The following MME variants were observed in gnomAD, a reference collection of about 807,000 sequenced individuals.
MME encodes neprilysin.
MME carries 98 observed loss-of-function variants against 113.2 expected under a neutral mutation model. The observed-to-expected ratio is 0.87, with a 90% CI of 0.74 to 1.02. The LOEUF is 1.02. Ranked by LOEUF, MME falls within the 50% of genes least tolerant of loss-of-function variation. The pLI, the probability that MME is intolerant of heterozygous loss-of-function variation, is 0.00. For synonymous variants in MME, 292 were observed against 300.6 expected (o/e 0.97, Z 0.30); for missense variants, 836 against 896.0 (o/e 0.93, Z 0.86).
In MME at chr3:155,168,735, A is replaced by C; in HGVS notation, c.1918A>C (p.Asn640His). ...AATAAAGTGTCTTTTTTAACAGCTT[A>C]ATGGAATTAATACACTGGGAGAAAA... The part of the protein sequence containing the change: ...SWDLAGGQHL[N>H]GINTLGENIA... Residue 640 changes from asparagine (N) to histidine (H), a missense_variant, in exon 20 of 23, where the codon AAT becomes CAT. Transcript: ENST00000360490. The C allele has an allele frequency of 6.2e-7, 1 of 1,613,118 alleles. No homozygotes were observed. Among genetic ancestry groups the C allele is most frequent in the Non-Finnish European group, 8.5e-7 (1 of 1,179,242 alleles).
chr3:155,054,593 C>T (rs1713865188), intron 1 of MME, among the ~76,000 whole-genome samples: 2 of 151,964 alleles, frequency 1.3e-5, no homozygotes, highest in South Asian at 4.1e-4. Flanking sequence ...AGGCCAAGGC[C>T]TGAGGATCAC....
intron 1 of MME, chr3:155,081,948 G>A (rs1270745705): frequency 6.6e-6 from 1 of 152,178 alleles, no homozygotes; most frequent in East Asian, 1.9e-4. Context: ...CTTTGCAGGT[G>A]ATTCAAAGAT....
intron 16 of MME, among the ~76,000 whole-genome samples, chr3:155,150,430 T>TG (rs755843564): frequency 1.3e-5 from 2 of 152,182 alleles, no homozygotes; most frequent in African/African-American, 2.4e-5. Context: ...ATAGCACACA[T>TG]GCTTCAGTAG....
At position 155,178,216 on chromosome 3, in the gene MME, T is replaced by A. The variant is rs1023100851; in HGVS notation, c.2154-2144T>A. 3.3e-5 allele frequency among the ~76,000 whole-genome samples: 5 copies of A among 152,028 alleles called. No individual in the cohort carries two copies. In the South Asian group the frequency reaches 1.0e-3, roughly 31 times the overall value. On this transcript the variant is annotated intron_variant, in intron 22 of 22. Transcript: ENST00000360490. Reference sequence around the variant, plus strand: ...TCCCACACCAGGAGATTATTTTTCGTCTTTAAGACTCATCTAGGAATCCTA... The same window carrying A: ...TCCCACACCAGGAGATTATTTTTCGACTTTAAGACTCATCTAGGAATCCTA...
intron 3 of MME, among the ~76,000 whole-genome samples, chr3:155,107,783 A>G (rs548427583): frequency 2.6e-5 from 4 of 152,318 alleles, no homozygotes; most frequent in African/African-American, 9.6e-5. Context: ...CTGAGATTGA[A>G]CAAGGGAACT....
rs536134878 is a variant in MME, at chr3:155,025,616, C to T, written c.-11+1292C>T. ...TCCAGCCTGGGAGACAGAGCGAGACCCTGTCTCAAAAAAAAAAAAAAGTAG... is the reference window on the plus strand; with the variant it reads ...TCCAGCCTGGGAGACAGAGCGAGACTCTGTCTCAAAAAAAAAAAAAAGTAG... On this transcript the variant is annotated intron_variant, in intron 1 of 22. Transcript: ENST00000492661. Among the ~76,000 whole-genome samples, 191 of 145,060 alleles carry T rather than the reference C, an allele frequency of 1.3e-3. 1 individual carries two copies. The highest frequency in any genetic ancestry group is 4.9e-3 in the African/African-American group (187 of 38,304).
intron 3 of MME, among the ~76,000 whole-genome samples, chr3:155,086,616 T>C (rs948963528): frequency 2.0e-5 from 3 of 152,018 alleles, no homozygotes; most frequent in African/African-American, 7.2e-5. Context: ...GTGGTGAAAA[T>C]GGGAGTATTT....
intron 3 of MME, among the ~76,000 whole-genome samples, chr3:155,099,701 C>T (rs367692971): frequency 6.6e-6 from 1 of 152,226 alleles, no homozygotes; most frequent in Admixed American, 6.5e-5. Flanking sequence ...TTTCCAGCTT[C>T]ATCCATGTCC....
At chr3:155,094,003 T>A (rs1416760081) in intron 3 of MME, among the ~76,000 whole-genome samples, 1 of 152,262 alleles carries the variant, frequency 6.6e-6, no homozygotes, top group Non-Finnish European at 1.5e-5. Context: ...CAATGTATAT[T>A]AGTTTATTTT....
At chr3:155,036,374 T>C (rs899560731) in intron 1 of MME, among the ~76,000 whole-genome samples, 1 of 152,176 alleles carries the variant, frequency 6.6e-6, no homozygotes, top group Admixed American at 6.6e-5. Flanking sequence ...AATCAAGATA[T>C]AGAGTTTTTT....
At chr3:155,160,869 C>G (rs1200567183) in intron 17 of MME, among the ~76,000 whole-genome samples, 2 of 152,122 alleles carry the variant, frequency 1.3e-5, no homozygotes, top group East Asian at 3.9e-4. Flanking sequence ...CCTGGCAATT[C>G]TGTATGCTGG....
chr3:155,106,046 G>A (rs572551352), intron 3 of MME, among the ~76,000 whole-genome samples: 1 of 152,298 alleles, frequency 6.6e-6, no homozygotes, highest in South Asian at 2.1e-4. Context: ...TTAGTCACAT[G>A]TATATATGAA....
At chr3:155,177,933 G>A (rs1180499647) in intron 22 of MME, among the ~76,000 whole-genome samples, 2 of 152,064 alleles carry the variant, frequency 1.3e-5, no homozygotes, top group Admixed American at 6.6e-5. Flanking sequence ...TGCTCCAGCT[G>A]GAGTCAGTGG....
At chr3:155,034,731 C>A (rs756911009) in intron 1 of MME, among the ~76,000 whole-genome samples, 4 of 152,144 alleles carry the variant, frequency 2.6e-5, no homozygotes, top group Admixed American at 6.6e-5. Context: ...GCCTCTTCTG[C>A]CCCTTCCTAA....
intron 1 of MME, among the ~76,000 whole-genome samples, chr3:155,062,017 A>G (rs1714167092): frequency 6.6e-6 from 1 of 152,276 alleles, no homozygotes; most frequent in Admixed American, 6.5e-5. Context: ...TATTATTTGC[A>G]AATAACAGCA....
chr3:155,141,792 G>A lies in MME; in HGVS notation c.958-199G>A, dbSNP rs3773885. Reference sequence around the variant, plus strand: ...CCTTAAGCTTAAAGGCTTTGTTTTCGCTCTTAAATGGTTGGCTTAATTATG... The same window carrying A: ...CCTTAAGCTTAAAGGCTTTGTTTTCACTCTTAAATGGTTGGCTTAATTATG... On this transcript the variant is annotated intron_variant, in intron 10 of 22. Coordinates refer to ENST00000360490, the MANE Select transcript of MME (RefSeq NM_007289.4). 0.34 allele frequency among the ~76,000 whole-genome samples: 51,225 copies of A among 151,810 alleles called. 9,064 individuals carry two copies. The highest frequency in any genetic ancestry group is 0.48 in the South Asian group (2,330 of 4,816).
intron 3 of MME, among the ~76,000 whole-genome samples, chr3:155,094,243 A>G (rs1041994139): frequency 6.6e-6 from 1 of 152,164 alleles, no homozygotes; most frequent in Non-Finnish European, 1.5e-5. Context: ...CTGGGATGTA[A>G]GTTTTGGCCA....
chr3:155,160,051 G>C (rs796896020), intron 16 of MME, among the ~76,000 whole-genome samples: 18 of 152,028 alleles, frequency 1.2e-4, no homozygotes, highest in African/African-American at 4.3e-4. Context: ...TAGTTACCTA[G>C]TATCAGGAAC....
chr3:155,077,908 TAA>T (rs1471163091), upstream of MME, among the ~76,000 whole-genome samples: 1 of 152,004 alleles, frequency 6.6e-6, no homozygotes, highest in East Asian at 1.9e-4. Context: ...TTTTTTCCTT[TAA>T]AAGAGTCCTC....
Sources: allele counts gnomAD v4.1 joint callset (sites outside exome capture counted in the v4.1 genomes callset), GRCh38; gene constraint gnomAD v4.1.1; transcripts MANE v1.5; gene names NCBI Gene and HGNC (gene_info 2026-07-23, HGNC 2026-07-21).